The following MYO7B variants were observed in gnomAD, a reference collection of about 807,000 sequenced individuals.
MYO7B encodes myosin VIIB, also known as unconventional myosin-VIIb.
A neutral mutation model predicts 259.7 loss-of-function variants in MYO7B; 212 were observed. That is an observed-to-expected ratio of 0.82 (90% confidence interval 0.73 to 0.91). The LOEUF is 0.91. Among genes scored for constraint, MYO7B ranks in the 40% least tolerant of loss-of-function variants. The probability of loss-of-function intolerance (pLI) is 0.00; values close to 1 mark genes in which losing one functional copy is unlikely to be tolerated. For synonymous variants in MYO7B, 1,197 were observed against 1,166.4 expected, an observed-to-expected ratio of 1.03 and a Z score of -0.54; for missense variants, 2,732 against 2,813.5, an observed-to-expected ratio of 0.97 and a Z score of 0.66.
In MYO7B at chr2:127,566,959, G is replaced by A. The variant is rs1201390895; in HGVS notation, c.470+132G>A. 2.2e-5 allele frequency: 21 copies of A among 949,088 alleles called. No homozygotes were observed. In the Admixed American group the frequency reaches 2.6e-4, roughly 12 times the overall value. 58.8% of individuals were successfully genotyped at this position (949,088 alleles called of 1,614,324 possible). A position where few individuals can be genotyped will look rare whatever the true frequency, so the allele number is the denominator to read the frequency against. On this transcript the variant is annotated intron_variant, in intron 5 of 47. Transcript: ENST00000409816. ...CACACCCATCTCCACAGCACACAAC[G>A]GCCCCAGTTACCCTGCACCCCGAGC...
chr2:127,633,129 A>G (rs1282993058), intron 39 of MYO7B, 129 bp from the exon 40 acceptor site: 1 of 706,374 alleles, frequency 1.4e-6, no homozygotes, highest in Non-Finnish European at 2.4e-6. Context: ...AGGGGCTGGA[A>G]CCACCCCAGT....
At chr2:127,568,814 T>C (rs6747538) in intron 5 of MYO7B, among the ~76,000 whole-genome samples, 1 of 151,464 alleles carries the variant, frequency 6.6e-6, no homozygotes, top group South Asian at 2.1e-4. Context: ...GGAGAATTGC[T>C]GGAACTGGAG....
rs142950794 is a variant in MYO7B, at chr2:127,587,289, G to A, written c.1691-1103G>A. 3.0e-4 allele frequency among the ~76,000 whole-genome samples: 46 copies of A among 152,258 alleles called. No individual in the cohort carries two copies. In the East Asian group the frequency reaches 7.3e-3, roughly 24 times the overall value. On this transcript the variant is annotated intron_variant, in intron 14 of 47. Transcript: ENST00000409816. ...GGCTAGGCCATTCTTACTCATGGCC[G>A]GAGGGGAGACATGGGATCTTCTCAC...
intron 19 of MYO7B, among the ~76,000 whole-genome samples, chr2:127,602,732 C>G (rs1294584298): frequency 6.6e-6 from 1 of 152,166 alleles, no homozygotes; most frequent in African/African-American, 2.4e-5. Flanking sequence ...GGCAAGATGA[C>G]TTATGCCTGT....
At chr2:127,594,530 G>A (rs774475643) in intron 18 of MYO7B, among the ~76,000 whole-genome samples, 19 of 152,318 alleles carry the variant, frequency 1.2e-4, no homozygotes, top group Middle Eastern at 3.4e-3. Context: ...TAAGATGCGC[G>A]GGAAGAAGCA....
chr2:127,565,977 G>T (rs1017861141), intron 4 of MYO7B, among the ~76,000 whole-genome samples: 4 of 152,254 alleles, frequency 2.6e-5, no homozygotes, highest in Non-Finnish European at 5.9e-5. Flanking sequence ...CTCTGGTCTG[G>T]AGGGGTGGCT....
intron 10 of MYO7B, among the ~76,000 whole-genome samples, chr2:127,581,173 G>T (rs1679083044): frequency 6.6e-6 from 1 of 152,106 alleles, no homozygotes; most frequent in South Asian, 2.1e-4. Flanking sequence ...GACTAGCCCT[G>T]CCCTGTGCCC....
At chr2:127,630,969 T>C in intron 36 of MYO7B, 61 bp downstream of exon 36, 2 of 1,421,830 alleles carry the variant, frequency 1.4e-6, no homozygotes, top group Non-Finnish European at 1.9e-6. Context: ...CCTCACCTCA[T>C]TGCACCCCCT....
intron 27 of MYO7B, 89 bp from the exon 28 acceptor site, chr2:127,621,893 A>G (rs1260780853): frequency 1.9e-5 from 29 of 1,524,306 alleles, no homozygotes; most frequent in Non-Finnish European, 1.8e-6. Flanking sequence ...TACACTGAGT[A>G]TTATAATTCT....
At chr2:127,548,075 A>C (rs1693304527) in intron 1 of MYO7B, among the ~76,000 whole-genome samples, 1 of 152,120 alleles carries the variant, frequency 6.6e-6, no homozygotes, top group African/African-American at 2.4e-5. Flanking sequence ...GAATTTGTCC[A>C]TTTCATCTAA....
chr2:127,572,551 CT>C (rs982915957), intron 6 of MYO7B, among the ~76,000 whole-genome samples: 4 of 141,126 alleles, frequency 2.8e-5, no homozygotes, highest in Non-Finnish European at 6.1e-5. Context: ...TCCTTCCTTT[CT>C]TTTTCTCCTT....
At chr2:127,633,499 C>T (rs908665804) in intron 40 of MYO7B, 136 bp downstream of exon 40, 39 of 825,136 alleles carry the variant, frequency 4.7e-5, no homozygotes, top group East Asian at 3.8e-4. Flanking sequence ...ACCAGTCTCC[C>T]GCCCTCTCCC....
rs751694001 is a variant in MYO7B, at chr2:127,588,515, G to A, written c.1814G>A (p.Gly605Glu). ...TTAGCAGAGACCAAGCTGGGCCATG[G>A]GACCATCCGCCAGGCAAAGGCAGGA... Reference protein sequence around the residue: ...LELAETKLGHGTIRQAKAGNH... With the variant: ...LELAETKLGHETIRQAKAGNH... Residue 605 changes from glycine (G) to glutamate (E), a missense_variant, in exon 15 of 48, where the codon GGG becomes GAG. Around this residue, in one of 3 missense-constraint regions of MYO7B, gnomAD observed 1,906 missense variants for 2,026.4 expected, o/e 0.94. Transcript: ENST00000409816. 2.5e-6 allele frequency: 4 copies of A among 1,613,270 alleles called. No individual in the cohort carries two copies. The Admixed American group carries it at 6.7e-5, about 27-fold the overall frequency.
chr2:127,600,187 T>C lies in MYO7B; in HGVS notation c.2339+3631T>C, dbSNP rs552316587. On this transcript the variant is annotated intron_variant, in intron 19 of 47. Coordinates refer to ENST00000409816, the MANE Select transcript of MYO7B (RefSeq NM_001393586.1). ...TCAATTTATTTAATAGTTATAGGAA[T>C]GATTCAAATTATTTTATATTGAGCG... Among the ~76,000 whole-genome samples the C allele has an allele frequency of 3.9e-5, 6 of 152,352 alleles. No individual in the cohort carries two copies. The East Asian group carries it at 9.6e-4, about 24-fold the overall frequency.
chr2:127,561,962 A>G (rs556929440), intron 2 of MYO7B, among the ~76,000 whole-genome samples: 1 of 152,010 alleles, frequency 6.6e-6, no homozygotes, highest in South Asian at 2.1e-4. Context: ...TTATCTTCAC[A>G]TGGCCTTTCT....
intron 28 of MYO7B, 34 bp downstream of exon 28, chr2:127,622,135 G>A (rs889475118): frequency 2.0e-6 from 3 of 1,536,510 alleles, no homozygotes; most frequent in African/African-American, 1.4e-5. Flanking sequence ...CGGGCAGGGT[G>A]GGGTGGTGCA....
intron 26 of MYO7B, among the ~76,000 whole-genome samples, chr2:127,618,108 G>T (rs914425562): frequency 2.6e-5 from 4 of 151,984 alleles, no homozygotes; most frequent in Non-Finnish European, 5.9e-5. Context: ...GGCCTCTTCA[G>T]GTCCCTTCAG....
intron 34 of MYO7B, among the ~76,000 whole-genome samples, chr2:127,629,032 A>G (rs1046777625): frequency 6.6e-6 from 1 of 152,120 alleles, no homozygotes; most frequent in Non-Finnish European, 1.5e-5. Context: ...TCTGTGGGCT[A>G]TGGGGGAGCA....
chr2:127,631,173 G>A (rs981905814), intron 36 of MYO7B, 33 bp from the exon 37 acceptor site: 2 of 1,560,928 alleles, frequency 1.3e-6, no homozygotes, highest in Non-Finnish European at 1.7e-6. Context: ...GAAGGCCACA[G>A]GGCAGGCCTC....
Sources: allele counts gnomAD v4.1 joint callset (sites outside exome capture counted in the v4.1 genomes callset), GRCh38; gene constraint gnomAD v4.1.1; regional missense constraint gnomAD v4.1.1; transcripts MANE v1.5; gene names NCBI Gene and HGNC (gene_info 2026-07-23, HGNC 2026-07-21).